The following SOX5 variants were observed in gnomAD, a reference collection of about 807,000 sequenced individuals.
SOX5 encodes SRY-box transcription factor 5.
SOX5 carries 9 observed loss-of-function variants against 92.0 expected under a neutral mutation model. That is an observed-to-expected ratio of 0.10 (90% CI 0.06 to 0.17). The LOEUF (loss-of-function observed/expected upper bound fraction) is 0.17. Among genes scored for constraint, SOX5 ranks in the 10% least tolerant of loss-of-function variants. SOX5 has a pLI of 1.00. For synonymous variants in SOX5, 344 were observed against 336.3 expected (o/e 1.02, Z -0.25); for missense variants, 642 against 944.5 (o/e 0.68, Z 4.20).
intron 1 of SOX5, among the ~76,000 whole-genome samples, chr12:23,897,028 A>G (rs772627965): frequency 3.3e-5 from 5 of 152,170 alleles, no homozygotes; most frequent in Non-Finnish European, 7.4e-5. Flanking sequence ...TCCCATAGAA[A>G]TAATGACAAG....
chr12:24,193,282 T>C (rs564336214), intron 4 of SOX5, among the ~76,000 whole-genome samples: 1 of 152,282 alleles, frequency 6.6e-6, no homozygotes, highest in Admixed American at 6.5e-5. Context: ...GCTAGAAAGG[T>C]TCTGAGGAAT....
rs2097198674 is a variant in SOX5 at position 23,898,419 on chromosome 12, C to A, written c.39-2395G>T. 2.0e-5 allele frequency among the ~76,000 whole-genome samples: 3 copies of A among 152,116 alleles called. No homozygotes were observed. In the South Asian group the frequency reaches 6.2e-4, roughly 32 times the overall value. On this transcript the variant is annotated intron_variant, in intron 1 of 14. Transcript: ENST00000451604. ...TATTGACAAGAGCCAGTTTCTGAGT[C>A]ATGAAAGCAGAAAGCAAGATCAGCT...
chr12:24,453,844 G>A (rs1399274980), intron 1 of SOX5, among the ~76,000 whole-genome samples: 1 of 152,180 alleles, frequency 6.6e-6, no homozygotes, highest in Non-Finnish European at 1.5e-5. Flanking sequence ...AGTGGCTTCA[G>A]GTGTTGATAC....
At position 23,794,200 on chromosome 12, in the gene SOX5, T is replaced by G. The variant is rs371380197; in HGVS notation, c.482-38476A>C. Among the ~76,000 whole-genome samples, 48 of 152,260 alleles carry G rather than the reference T, an allele frequency of 3.2e-4. 1 individual carries two copies. In the South Asian group the frequency reaches 9.7e-3, roughly 31 times the overall value. ...ATTTTCTCTTTAATTGGTGTGCTGTTTACTGGTTTATTTTAGTGAACAGAA... is the reference window on the plus strand; with the variant it reads ...ATTTTCTCTTTAATTGGTGTGCTGTGTACTGGTTTATTTTAGTGAACAGAA... On this transcript the variant is annotated intron_variant, in intron 3 of 14. Transcript: ENST00000451604.
intron 3 of SOX5, among the ~76,000 whole-genome samples, chr12:23,779,492 A>G (rs77332989): frequency 5.0e-4 from 75 of 151,330 alleles, no homozygotes; most frequent in South Asian, 1.1e-3. Context: ...ATAACCAATC[A>G]TGGTTAGTTT....
intron 1 of SOX5, among the ~76,000 whole-genome samples, chr12:23,896,324 G>A (rs1464583648): frequency 6.6e-6 from 1 of 152,124 alleles, no homozygotes; most frequent in East Asian, 1.9e-4. Context: ...TTCCATTTTA[G>A]AGGGAAGAAA....
At chr12:24,146,706 T>C (rs1345007956) in intron 4 of SOX5, among the ~76,000 whole-genome samples, 2 of 145,506 alleles carry the variant, frequency 1.4e-5, no homozygotes, top group Non-Finnish European at 3.0e-5. Flanking sequence ...ATTAATAAAA[T>C]TGATGAATCG....
At chr12:23,909,736 C>G (rs1314694416) in intron 1 of SOX5, among the ~76,000 whole-genome samples, 1 of 152,064 alleles carries the variant, frequency 6.6e-6, no homozygotes, top group Admixed American at 6.6e-5. Flanking sequence ...ATGCTGACCA[C>G]TGTCTGAGCT....
At chr12:24,402,237 T>C (rs1482205261) in intron 1 of SOX5, among the ~76,000 whole-genome samples, 1 of 152,238 alleles carries the variant, frequency 6.6e-6, no homozygotes, top group Admixed American at 6.5e-5. Flanking sequence ...TGGAAAGCAA[T>C]TTGGTAATAG....
At chr12:24,480,778 G>C (rs747264904) in intron 1 of SOX5, among the ~76,000 whole-genome samples, 17 of 151,958 alleles carry the variant, frequency 1.1e-4, no homozygotes, top group Non-Finnish European at 2.1e-4. Context: ...AGGATTTGGA[G>C]TAAAGGGAAA....
At chr12:23,538,631 A>C (rs779149042) in intron 13 of SOX5, among the ~76,000 whole-genome samples, 3 of 152,124 alleles carry the variant, frequency 2.0e-5, no homozygotes, top group Non-Finnish European at 2.9e-5. Context: ...AGTTTCTTCC[A>C]AGCATTTATA....
chr12:23,992,054 A>G (rs1000019209), intron 4 of SOX5, among the ~76,000 whole-genome samples: 7 of 152,112 alleles, frequency 4.6e-5, no homozygotes, highest in African/African-American at 1.7e-4. Flanking sequence ...AAAATAAGAA[A>G]TTGACAGCCC....
chr12:24,044,466 G>A (rs760503245), intron 4 of SOX5, among the ~76,000 whole-genome samples: 1 of 152,128 alleles, frequency 6.6e-6, no homozygotes, highest in African/African-American at 2.4e-5. Context: ...ACATTCTCAC[G>A]ATAAGGCAGG....
At chr12:23,673,577 T>G (rs1372004400) in intron 6 of SOX5, among the ~76,000 whole-genome samples, 1 of 152,162 alleles carries the variant, frequency 6.6e-6, no homozygotes, top group Non-Finnish European at 1.5e-5. Flanking sequence ...TAGGTATCCA[T>G]GATTAGAAAA....
At chr12:24,167,203 G>A (rs528276341) in intron 4 of SOX5, among the ~76,000 whole-genome samples, 17 of 152,238 alleles carry the variant, frequency 1.1e-4, no homozygotes, top group Admixed American at 6.5e-4. Flanking sequence ...AACGATAGTT[G>A]TATGATTTTT....
chr12:24,176,977 G>GTTTTTT (rs11295163), intron 4 of SOX5, among the ~76,000 whole-genome samples: 24 of 135,090 alleles, frequency 1.8e-4, no homozygotes, highest in African/African-American at 3.4e-4. Flanking sequence ...TTTGTTTTTT[G>GTTTTTT]TTTTTTTTTT....
intron 6 of SOX5, among the ~76,000 whole-genome samples, chr12:23,701,665 C>T (rs1001178507): frequency 6.6e-6 from 1 of 151,904 alleles, no homozygotes; most frequent in Non-Finnish European, 1.5e-5. Flanking sequence ...TAAACAGGAT[C>T]GTTACTAGAG....
chr12:23,613,666 A>T (rs2076226160), intron 8 of SOX5, among the ~76,000 whole-genome samples: 1 of 152,190 alleles, frequency 6.6e-6, no homozygotes, highest in African/African-American at 2.4e-5. Flanking sequence ...CACACAATGA[A>T]TTATTATTCA....
At chr12:24,022,929 A>G (rs945720167) in intron 4 of SOX5, among the ~76,000 whole-genome samples, 2 of 151,994 alleles carry the variant, frequency 1.3e-5, no homozygotes, top group Admixed American at 1.3e-4. Context: ...GGTAAAAAAA[A>G]AAAACTGGCA....
Sources: allele counts gnomAD v4.1 joint callset (sites outside exome capture counted in the v4.1 genomes callset), GRCh38; gene constraint gnomAD v4.1.1; transcripts MANE v1.5; gene names NCBI Gene and HGNC (gene_info 2026-07-23, HGNC 2026-07-21).